The following USH2A variants were observed in gnomAD, a reference collection of about 807,000 sequenced individuals.
USH2A encodes Usher syndrome 2A (autosomal recessive, mild).
A neutral mutation model predicts 538.9 loss-of-function variants in USH2A; 443 were observed. The observed-to-expected ratio is 0.82, with a 90% CI of 0.76 to 0.89. The LOEUF (loss-of-function observed/expected upper bound fraction) is 0.89, where lower values mean the gene tolerates loss of function less well. USH2A is among the 40% of genes least tolerant of loss of function. The pLI is 0.00. For missense variants in USH2A, 6,633 were observed against 6,324.8 expected (o/e 1.05, Z -1.65); for synonymous variants, 2,413 against 2,273.5 (o/e 1.06, Z -1.75).
chr1:216,371,665 T>C (rs998528877), intron 3 of USH2A, among the ~76,000 whole-genome samples: 2 of 152,314 alleles, frequency 1.3e-5, no homozygotes, highest in Admixed American at 6.5e-5. Context: ...GCTGTCAAAA[T>C]CTTTTTGGAT....
chr1:215,687,172 A>T (rs1658452399), intron 61 of USH2A, among the ~76,000 whole-genome samples: 1 of 152,096 alleles, frequency 6.6e-6, no homozygotes, highest in South Asian at 2.1e-4. Flanking sequence ...GTGTTAAAGC[A>T]TTCCTAGCTC....
intron 47 of USH2A, among the ~76,000 whole-genome samples, chr1:215,833,011 G>A (rs1484147215): frequency 6.6e-6 from 1 of 151,850 alleles, no homozygotes; most frequent in Non-Finnish European, 1.5e-5. Context: ...TAAAATATGT[G>A]CAGTATTTGC....
intron 61 of USH2A, among the ~76,000 whole-genome samples, chr1:215,687,008 G>C (rs1035548294): frequency 6.6e-6 from 1 of 151,998 alleles, no homozygotes; most frequent in Non-Finnish European, 1.5e-5. Context: ...CCTGAAGTGT[G>C]TTTTCTCCTG....
chr1:216,264,608 A>G (rs2036437732), intron 11 of USH2A, among the ~76,000 whole-genome samples: 1 of 152,090 alleles, frequency 6.6e-6, no homozygotes, highest in Admixed American at 6.6e-5. Context: ...AGACAAATCA[A>G]TCTTGAGACA....
At chr1:215,889,135 C>A in intron 40 of USH2A, 81 bp from the exon 41 acceptor site, 1 of 1,504,734 alleles carries the variant, frequency 6.6e-7, no homozygotes, top group Non-Finnish European at 9.1e-7. Context: ...AGTGATAGCT[C>A]TGCTACAAGG....
chr1:216,143,582 T>A (rs1305114472), intron 21 of USH2A, among the ~76,000 whole-genome samples: 1 of 152,166 alleles, frequency 6.6e-6, no homozygotes, highest in Admixed American at 6.5e-5. Context: ...CGGAGTTTTT[T>A]AAAGAACCCA....
intron 35 of USH2A, among the ~76,000 whole-genome samples, chr1:215,974,975 C>T (rs929999391): frequency 5.9e-5 from 9 of 152,072 alleles, no homozygotes; most frequent in African/African-American, 2.2e-4. Flanking sequence ...GCATTCAACC[C>T]TTTTCTTTGC....
In USH2A at chr1:215,729,013, C is replaced by T. The variant is rs1037897911; in HGVS notation, c.11712-629G>A. Among the ~76,000 whole-genome samples, 4 of 152,192 alleles carry T rather than the reference C, an allele frequency of 2.6e-5. No individual in the cohort carries two copies. The South Asian group carries it at 6.2e-4, about 24-fold the overall frequency. On this transcript the variant is annotated intron_variant, in intron 60 of 71. Transcript: ENST00000307340. Reference sequence around the variant, plus strand: ...GCAGCTAGGGTCCCAATGTGTTTGTCTTCCTGTATCCAGGCCTTTTGCGAG... The same window carrying T: ...GCAGCTAGGGTCCCAATGTGTTTGTTTTCCTGTATCCAGGCCTTTTGCGAG...
intron 3 of USH2A, among the ~76,000 whole-genome samples, chr1:216,365,338 C>A (rs1026019816): frequency 2.6e-5 from 4 of 152,092 alleles, no homozygotes; most frequent in African/African-American, 9.7e-5. Flanking sequence ...TTGTCCCATA[C>A]ATGTAACAGC....
At chr1:215,840,266 C>T (rs571449811) in intron 46 of USH2A, among the ~76,000 whole-genome samples, 2 of 149,788 alleles carry the variant, frequency 1.3e-5, no homozygotes, top group African/African-American at 4.9e-5. Context: ...CATAGAGAGC[C>T]TTAATTCTAA....
intron 40 of USH2A, among the ~76,000 whole-genome samples, chr1:215,893,411 A>G (rs1665253900): frequency 6.6e-6 from 1 of 152,034 alleles, no homozygotes; most frequent in African/African-American, 2.4e-5. Context: ...TCTTTGAATG[A>G]TCTCACATAG....
intron 40 of USH2A, among the ~76,000 whole-genome samples, chr1:215,896,559 G>C (rs1486961522): frequency 1.3e-5 from 2 of 152,078 alleles, no homozygotes; most frequent in Non-Finnish European, 2.9e-5. Flanking sequence ...GTAGGCAAAA[G>C]AATACATCCA....
rs76585214 is a variant in USH2A, at chr1:216,020,281, A to G, written c.6326-19719T>C. 6.8e-3 allele frequency among the ~76,000 whole-genome samples: 1,030 copies of G among 152,298 alleles called. 14 individuals are homozygous for G. The highest frequency in any genetic ancestry group is 0.023 in the African/African-American group (971 of 41,562). ...ATCAAACACCAATCTAAATGTTGCT[A>G]TAAAGTTATTATTTAGATGTGATTA... is the stretch of plus-strand genomic sequence containing the variant. On this transcript the variant is annotated intron_variant, in intron 32 of 71. Coordinates refer to ENST00000307340, the MANE Select transcript of USH2A (RefSeq NM_206933.4).
intron 43 of USH2A, among the ~76,000 whole-genome samples, chr1:215,869,861 T>A (rs1230623305): frequency 6.6e-6 from 1 of 152,232 alleles, no homozygotes; most frequent in Non-Finnish European, 1.5e-5. Context: ...GTTTTTATAA[T>A]ACTTTAAGAG....
intron 70 of USH2A, among the ~76,000 whole-genome samples, chr1:215,631,854 C>T (rs779695303): frequency 9.2e-5 from 14 of 152,140 alleles, no homozygotes; most frequent in African/African-American, 1.9e-4. Context: ...TTCTTTTGTC[C>T]GCTTTTCTCA....
chr1:216,229,072 G>T (rs1026979479), intron 14 of USH2A, among the ~76,000 whole-genome samples: 1 of 151,918 alleles, frequency 6.6e-6, no homozygotes, highest in African/African-American at 2.4e-5. Flanking sequence ...TACTCAGGAG[G>T]CTGAGGCAGG....
rs367631313 is a variant in USH2A, at chr1:215,728,100, C to T, written c.11996G>A (p.Arg3999His). Residue 3999 changes from arginine to histidine, a missense_variant, in exon 61 of 72, where the codon CGT (arginine) becomes CAT (histidine). By Grantham distance (29) the Arg-to-His change is conservative. Coordinates refer to ENST00000307340, the MANE Select transcript of USH2A (RefSeq NM_206933.4). ...ESPNGIISHY[R>H]VVYQERPDDP... ...GTCGGGTCTCTCCTGGTAGACCACACGGTAATGGGAGATAATGCCATTGGG... is the reference window on the plus strand; with the variant it reads ...GTCGGGTCTCTCCTGGTAGACCACATGGTAATGGGAGATAATGCCATTGGG... 27 of 1,614,016 alleles carry T rather than the reference C, an allele frequency of 1.7e-5. No homozygotes were observed. Among genetic ancestry groups the T allele is most frequent in the East Asian group, 4.5e-5 (2 of 44,888 alleles).
intron 32 of USH2A, among the ~76,000 whole-genome samples, chr1:216,024,232 T>A (rs1668910987): frequency 6.6e-6 from 1 of 152,182 alleles, no homozygotes; most frequent in South Asian, 2.1e-4. Flanking sequence ...AGCGCCAGTT[T>A]AGAGTTATTT....
intron 11 of USH2A, among the ~76,000 whole-genome samples, chr1:216,278,408 T>C (rs1042530700): frequency 1.3e-5 from 2 of 152,204 alleles, no homozygotes; most frequent in Non-Finnish European, 2.9e-5. Context: ...TTTTCCCTTC[T>C]TTTCCCATTT....
Sources: allele counts gnomAD v4.1 joint callset (sites outside exome capture counted in the v4.1 genomes callset), GRCh38; gene constraint gnomAD v4.1.1; transcripts MANE v1.5; gene names NCBI Gene and HGNC (gene_info 2026-07-23, HGNC 2026-07-21).